PLXNC1: variants seen among roughly 807,000 people sequenced by gnomAD.
The protein encoded by PLXNC1 is plexin C1.
Under a neutral mutation model 178.2 loss-of-function variants are expected in PLXNC1, and 75 were observed. The ratio of observed to expected loss-of-function variants is 0.42; its 90% CI spans 0.35 to 0.51. PLXNC1 has a LOEUF of 0.51. Ranked by LOEUF, PLXNC1 falls within the 20% of genes least tolerant of loss-of-function variation. The pLI, the probability that PLXNC1 is intolerant of heterozygous loss-of-function variation, is 0.02. For synonymous variants in PLXNC1, 790 were observed against 779.9 expected (o/e 1.01, Z -0.22); for missense variants, 1,503 against 1,984.4 (o/e 0.76, Z 4.61).
intron 1 of PLXNC1, among the ~76,000 whole-genome samples, chr12:94,156,480 T>TG (rs1358852503): frequency 6.6e-6 from 1 of 150,752 alleles, no homozygotes; most frequent in Non-Finnish European, 1.5e-5. Flanking sequence ...TGTCTATCTT[T>TG]TTTTTTTTTT....
chr12:94,170,839 C>T (rs2135942662), intron 2 of PLXNC1, among the ~76,000 whole-genome samples: 1 of 152,256 alleles, frequency 6.6e-6, no homozygotes, highest in Non-Finnish European at 1.5e-5. Flanking sequence ...GTTGTGTTAG[C>T]TTTATTTCCT....
At chr12:94,179,417 A>T (rs1962220537) in intron 2 of PLXNC1, among the ~76,000 whole-genome samples, 1 of 152,194 alleles carries the variant, frequency 6.6e-6, no homozygotes, top group South Asian at 2.1e-4. Context: ...GGTACAAAGA[A>T]GATTAAAGGT....
At chr12:94,250,237 T>C (rs534977825) in intron 14 of PLXNC1, among the ~76,000 whole-genome samples, 2 of 152,166 alleles carry the variant, frequency 1.3e-5, no homozygotes, top group East Asian at 3.9e-4. Context: ...ATTAGAACCT[T>C]GTGGACCATG....
chr12:94,177,160 T>C (rs558456560), intron 2 of PLXNC1, among the ~76,000 whole-genome samples: 8 of 44,638 alleles, frequency 1.8e-4, no homozygotes, highest in African/African-American at 3.1e-4. Flanking sequence ...TATATATATA[T>C]GTATATATAT....
At chr12:94,168,891 T>C (rs142657978) in intron 1 of PLXNC1, among the ~76,000 whole-genome samples, 1 of 152,220 alleles carries the variant, frequency 6.6e-6, no homozygotes, top group African/African-American at 2.4e-5. Flanking sequence ...AGCTGAGGGG[T>C]GTTAGATAGA....
chr12:94,232,233 C>G lies in PLXNC1; in HGVS notation c.1980+4998C>G, dbSNP rs1197587168. On this transcript the variant is annotated intron_variant, in intron 9 of 30. Coordinates refer to ENST00000258526, the MANE Select transcript of PLXNC1 (RefSeq NM_005761.3). The stretch of plus-strand genomic sequence containing the variant: ...TCCCAAGTAGCTGGGATTACAGGCA[C>G]CCGCCACCATGCCCAGCTAATTTTT... Among the ~76,000 whole-genome samples the G allele has an allele frequency of 2.6e-5, 4 of 152,052 alleles. No individual in the cohort carries two copies. In the East Asian group the frequency reaches 5.8e-4, roughly 22 times the overall value.
rs190711399 is a variant in PLXNC1, at chr12:94,218,695, C to T, written c.1555-1321C>T. Among the ~76,000 whole-genome samples, 62 of 152,064 alleles carry T rather than the reference C, an allele frequency of 4.1e-4. No individual in the cohort carries two copies. In the East Asian group the frequency reaches 0.011, roughly 28 times the overall value. ...TCAAGATTGTCTTTTTGTGTCCCTA[C>T]TATACACACACACACACACACGTAC... On this transcript the variant is annotated intron_variant, in intron 5 of 30. Transcript: ENST00000258526.
At chr12:94,185,878 A>G (rs1592744466) in intron 3 of PLXNC1, 2 of 157,736 alleles carry the variant, frequency 1.3e-5, no homozygotes, top group East Asian at 3.6e-4. Context: ...AGGCAACCTG[A>G]TTCCATGATC....
chr12:94,209,308 T>A (rs570547115), intron 4 of PLXNC1, among the ~76,000 whole-genome samples: 2 of 152,336 alleles, frequency 1.3e-5, no homozygotes, highest in South Asian at 4.1e-4. Flanking sequence ...TATTTGGCGA[T>A]GTCATCTTGA....
chr12:94,244,998 C>T (rs1466551364), intron 12 of PLXNC1, among the ~76,000 whole-genome samples: 2 of 152,212 alleles, frequency 1.3e-5, no homozygotes, highest in African/African-American at 2.4e-5. Context: ...CCTGCCAAGG[C>T]TGACACACTC....
chr12:94,220,136 A>G lies in PLXNC1; in HGVS notation c.1675A>G (p.Ser559Gly). The change falls in exon 6 of 31, where the codon AGC becomes GGC. Residue 559 changes from serine to glycine, a missense_variant. Physicochemically the swap from Ser to Gly is moderately conservative, Grantham distance 56 (BLOSUM62 0). Coordinates refer to ENST00000258526, the MANE Select transcript of PLXNC1 (RefSeq NM_005761.3). ...KSQPNRTCTC[S>G]IPTRATYKDV... ...TCAGCCCAACCGGACCTGCACCTGT[A>G]GCATCCCAACCAGAGCAACCTACAA... The G allele has an allele frequency of 1.2e-6, 2 of 1,614,070 alleles. No homozygotes were observed. The highest frequency in any genetic ancestry group is 2.2e-5 in the South Asian group (2 of 91,078).
At chr12:94,207,318 A>G (rs1163222389) in intron 4 of PLXNC1, among the ~76,000 whole-genome samples, 3 of 152,148 alleles carry the variant, frequency 2.0e-5, no homozygotes, top group Non-Finnish European at 4.4e-5. Context: ...TAAAAAATGA[A>G]AGGTTCATTT....
chr12:94,225,842 G>GT (rs966929910), intron 7 of PLXNC1, among the ~76,000 whole-genome samples: 23 of 152,338 alleles, frequency 1.5e-4, no homozygotes, highest in African/African-American at 5.5e-4. Flanking sequence ...GCAAAAGCCA[G>GT]TGTGTCCTCT....
intron 5 of PLXNC1, among the ~76,000 whole-genome samples, chr12:94,210,454 G>A (rs1296352232): frequency 1.3e-5 from 2 of 152,152 alleles, no homozygotes; most frequent in Non-Finnish European, 2.9e-5. Context: ...ATGAATAATT[G>A]TACAGAGTCC....
rs568659328 is a variant in PLXNC1 at position 94,239,934 on chromosome 12, T to C, written c.2121-551T>C. Among the ~76,000 whole-genome samples the C allele has an allele frequency of 3.3e-5, 5 of 152,326 alleles. No individual in the cohort carries two copies. The East Asian group carries it at 9.6e-4, about 29-fold the overall frequency. ...GCTTTTTTTCTTAAGCTTTTTATTA[T>C]GGAAACTCAAACATAATACAAGAGA... On this transcript the variant is annotated intron_variant, in intron 10 of 30. Coordinates refer to ENST00000258526, the MANE Select transcript of PLXNC1 (RefSeq NM_005761.3).
In PLXNC1 at chr12:94,220,142, C is replaced by G; in HGVS notation, c.1681C>G (p.Pro561Ala). The change falls in exon 6 of 31, where the codon CCA becomes GCA. Residue 561 changes from proline (P) to alanine (A), a missense_variant. This residue lies in a region of PLXNC1 where 615 missense variants were observed against 698.6 expected (regional missense o/e 0.88). Coordinates refer to ENST00000258526, the MANE Select transcript of PLXNC1 (RefSeq NM_005761.3). Reference sequence around the variant, plus strand: ...CAACCGGACCTGCACCTGTAGCATCCCAACCAGAGCAACCTACAAAGGTAT... The same window carrying G: ...CAACCGGACCTGCACCTGTAGCATCGCAACCAGAGCAACCTACAAAGGTAT... ...QPNRTCTCSIPTRATYKDVSV... is the reference protein window; with the variant it reads ...QPNRTCTCSIATRATYKDVSV... 6.2e-7 allele frequency: 1 copy of G among 1,613,932 alleles called. No homozygotes were observed. The highest frequency in any genetic ancestry group is 8.5e-7 in the Non-Finnish European group (1 of 1,179,928).
At chr12:94,201,505 C>T (rs1963114485) in intron 4 of PLXNC1, among the ~76,000 whole-genome samples, 1 of 152,140 alleles carries the variant, frequency 6.6e-6, no homozygotes, top group African/African-American at 2.4e-5. Flanking sequence ...ACATTTTTCT[C>T]CCAACTTCAT....
At chr12:94,283,502 G>A (rs530728704) in intron 23 of PLXNC1, among the ~76,000 whole-genome samples, 2 of 152,324 alleles carry the variant, frequency 1.3e-5, no homozygotes, top group South Asian at 4.1e-4. Flanking sequence ...CCTAGACAGA[G>A]CTGATTTATC....
intron 4 of PLXNC1, among the ~76,000 whole-genome samples, chr12:94,187,393 A>G (rs1040586789): frequency 1.3e-5 from 2 of 152,194 alleles, no homozygotes; most frequent in Non-Finnish European, 2.9e-5. Flanking sequence ...GGGGAAATGC[A>G]ATACAAGCAA....
Sources: allele counts gnomAD v4.1 joint callset (sites outside exome capture counted in the v4.1 genomes callset), GRCh38; gene constraint gnomAD v4.1.1; regional missense constraint gnomAD v4.1.1; transcripts MANE v1.5; gene names NCBI Gene and HGNC (gene_info 2026-07-23, HGNC 2026-07-21).